Variants in CDH12 observed in about 807,000 individuals in gnomAD.
CDH12 encodes the protein cadherin 12.
A neutral mutation model predicts 74.1 loss-of-function variants in CDH12; 41 were observed. The ratio of observed to expected loss-of-function variants is 0.55; its 90% CI spans 0.43 to 0.72. CDH12 has a LOEUF of 0.72. Ranked by LOEUF, CDH12 falls within the 30% of genes least tolerant of loss-of-function variation. The pLI, the probability that CDH12 is intolerant of heterozygous loss-of-function variation, is 0.00. For synonymous variants in CDH12, 399 were observed against 355.0 expected, an observed-to-expected ratio of 1.12 and a Z score of -1.39; for missense variants, 945 against 977.2, an observed-to-expected ratio of 0.97 and a Z score of 0.44.
intron 5 of CDH12, among the ~76,000 whole-genome samples, chr5:22,047,025 T>C (rs1218122174): frequency 6.6e-6 from 1 of 152,148 alleles, no homozygotes; most frequent in Non-Finnish European, 1.5e-5. Flanking sequence ...CCCAACACTT[T>C]CAAGCCTAAA....
At chr5:22,700,521 T>C (rs1325889138) in intron 1 of CDH12, among the ~76,000 whole-genome samples, 1 of 152,220 alleles carries the variant, frequency 6.6e-6, no homozygotes, top group Non-Finnish European at 1.5e-5. Flanking sequence ...GCCTATGAAA[T>C]GCATGATGAA....
intron 2 of CDH12, among the ~76,000 whole-genome samples, chr5:22,456,404 G>A (rs1009457202): frequency 7.2e-5 from 11 of 151,826 alleles, no homozygotes; most frequent in Non-Finnish European, 8.8e-5. Flanking sequence ...GATTTCAAAC[G>A]TTTTCCAGGT....
intron 1 of CDH12, among the ~76,000 whole-genome samples, chr5:22,566,359 T>A (rs1467927894): frequency 6.6e-6 from 1 of 151,850 alleles, no homozygotes; most frequent in Admixed American, 6.6e-5. Context: ...TGCTTCAGCC[T>A]CCTGAGTAGC....
intron 8 of CDH12, among the ~76,000 whole-genome samples, chr5:21,829,190 G>T (rs1005275046): frequency 6.6e-6 from 1 of 152,194 alleles, no homozygotes; most frequent in Admixed American, 6.5e-5. Flanking sequence ...AATGACTCAG[G>T]AGGCTGAGGC....
intron 1 of CDH12, among the ~76,000 whole-genome samples, chr5:22,705,611 T>C (rs1477573131): frequency 1.3e-5 from 2 of 151,882 alleles, no homozygotes; most frequent in South Asian, 2.1e-4. Context: ...TACAATATTA[T>C]AGTATTTTTG....
chr5:22,117,124 T>C (rs1359047625), intron 4 of CDH12, among the ~76,000 whole-genome samples: 2 of 151,604 alleles, frequency 1.3e-5, no homozygotes, highest in East Asian at 3.9e-4. Context: ...CTTTTCTGGG[T>C]CACGGTTTCA....
chr5:22,596,065 G>A (rs1010067566), intron 1 of CDH12, among the ~76,000 whole-genome samples: 14 of 151,178 alleles, frequency 9.3e-5, no homozygotes, highest in Admixed American at 2.0e-4. Flanking sequence ...CCGAGATCAC[G>A]CCACTGCACT....
chr5:22,825,205 CTCTG>C (rs2126486184), intron 1 of CDH12, among the ~76,000 whole-genome samples: 1 of 152,080 alleles, frequency 6.6e-6, no homozygotes, highest in East Asian at 1.9e-4. Flanking sequence ...AAAAAATACC[CTCTG>C]TCTTTTTGGT....
chr5:22,007,576 CA>C (rs1320459912), intron 5 of CDH12, among the ~76,000 whole-genome samples: 1 of 152,140 alleles, frequency 6.6e-6, no homozygotes, highest in Non-Finnish European at 1.5e-5. Context: ...AGTTGGCCTG[CA>C]AAATCCAGAA....
intron 1 of CDH12, among the ~76,000 whole-genome samples, chr5:22,707,151 G>C (rs1743052010): frequency 6.6e-6 from 1 of 152,126 alleles, no homozygotes; most frequent in African/African-American, 2.4e-5. Flanking sequence ...AGTGATTCAA[G>C]AAGACACAAC....
At chr5:21,840,203 G>C (rs1179810713) in intron 8 of CDH12, among the ~76,000 whole-genome samples, 3 of 152,022 alleles carry the variant, frequency 2.0e-5, no homozygotes, top group Non-Finnish European at 4.4e-5. Context: ...TAATATGGTG[G>C]GAAATGTGTC....
chr5:22,160,523 A>G (rs2150318426), intron 4 of CDH12, among the ~76,000 whole-genome samples: 1 of 152,268 alleles, frequency 6.6e-6, no homozygotes, highest in East Asian at 1.9e-4. Context: ...AACCAAAATG[A>G]ATTGTAATAT....
intron 10 of CDH12, among the ~76,000 whole-genome samples, chr5:21,800,422 A>G (rs1199749999): frequency 3.3e-5 from 5 of 152,140 alleles, no homozygotes; most frequent in Non-Finnish European, 7.3e-5. Context: ...ATAGTATTAA[A>G]AGATGGGGCA....
At chr5:21,946,080 G>A (rs1755565765) in intron 6 of CDH12, among the ~76,000 whole-genome samples, 1 of 151,982 alleles carries the variant, frequency 6.6e-6, no homozygotes, top group Non-Finnish European at 1.5e-5. Context: ...TTTTCCATCT[G>A]AAACCATGAA....
At chr5:22,233,671 GAAC>G (rs1752465738) in intron 3 of CDH12, among the ~76,000 whole-genome samples, 1 of 152,084 alleles carries the variant, frequency 6.6e-6, no homozygotes, top group South Asian at 2.1e-4. Flanking sequence ...CAGTATTTTT[GAAC>G]AACAGGAACA....
At chr5:22,749,051 C>T (rs34748337) in intron 1 of CDH12, among the ~76,000 whole-genome samples, 2,126 of 152,272 alleles carry the variant, frequency 0.014, 21 homozygotes, top group Non-Finnish European at 0.019. Flanking sequence ...AAACACAATG[C>T]TCTCAATGCT....
At chr5:22,515,290 C>T (rs1315467256) in intron 1 of CDH12, among the ~76,000 whole-genome samples, 1 of 151,898 alleles carries the variant, frequency 6.6e-6, no homozygotes, top group Non-Finnish European at 1.5e-5. Context: ...GATATTTTTC[C>T]CCATGGAACT....
intron 8 of CDH12, among the ~76,000 whole-genome samples, chr5:21,837,554 A>G (rs1263192298): frequency 6.6e-6 from 1 of 151,824 alleles, no homozygotes; most frequent in Non-Finnish European, 1.5e-5. Flanking sequence ...GTATGTATGG[A>G]ATAGATTTTG....
At chr5:21,900,480 C>T (rs188875006) in intron 6 of CDH12, among the ~76,000 whole-genome samples, 2 of 152,204 alleles carry the variant, frequency 1.3e-5, no homozygotes, top group African/African-American at 4.8e-5. Context: ...GTTATATTAG[C>T]TATAGCTGTA....
Sources: gnomAD v4.1 joint callset for allele counts (sites outside exome capture counted in the v4.1 genomes callset) on GRCh38, gnomAD v4.1.1 for gene constraint, MANE v1.5 for transcripts, NCBI Gene and HGNC (gene_info 2026-07-23, HGNC 2026-07-21) for gene names.